RAB3GAP2: variants seen among roughly 807,000 people sequenced by gnomAD.
The protein encoded by RAB3GAP2 is rab3 GTPase-activating protein non-catalytic subunit.
Under a neutral mutation model 185.3 loss-of-function variants are expected in RAB3GAP2, and 87 were observed. The observed-to-expected ratio is 0.47, with a 90% CI of 0.39 to 0.56. The LOEUF is 0.56. Ranked by LOEUF, RAB3GAP2 falls within the 20% of genes least tolerant of loss-of-function variation. RAB3GAP2 has a pLI of 0.00. For missense variants in RAB3GAP2, 1,492 were observed against 1,638.2 expected (o/e 0.91, Z 1.54); for synonymous variants, 554 against 576.1 (o/e 0.96, Z 0.55).
In RAB3GAP2 at chr1:220,148,936, G is replaced by T. The variant is rs1657686371; in HGVS notation, c.*2315C>A. On this transcript the variant is annotated 3_prime_UTR_variant, in exon 35 of 35. Coordinates refer to ENST00000358951, the MANE Select transcript of RAB3GAP2 (RefSeq NM_012414.4). ...AATAAGATACAAATGCATATTTAATGTTTGTTAATGAAGAAAGTTGTGTGA... is the reference window on the plus strand; with the variant it reads ...AATAAGATACAAATGCATATTTAATTTTTGTTAATGAAGAAAGTTGTGTGA... 1 of 152,126 alleles carries T rather than the reference G, an allele frequency of 6.6e-6. No individual in the cohort carries two copies. Among genetic ancestry groups the T allele is most frequent in the African/African-American group, 2.4e-5 (1 of 41,428 alleles). The allele number at this position is 152,126 out of a possible 1,614,324, so 9.4% of individuals were successfully genotyped here. A position where few individuals can be genotyped will look rare whatever the true frequency, so the allele number is the denominator to read the frequency against.
intron 24 of RAB3GAP2, among the ~76,000 whole-genome samples, chr1:220,168,718 A>C (rs1164107720): frequency 6.6e-6 from 1 of 152,204 alleles, no homozygotes; most frequent in African/African-American, 2.4e-5. Context: ...AATAATCAAC[A>C]AATTTGCCTA....
At chr1:220,255,414 C>G (rs923908793) in intron 1 of RAB3GAP2, among the ~76,000 whole-genome samples, 2 of 152,146 alleles carry the variant, frequency 1.3e-5, no homozygotes, top group African/African-American at 2.4e-5. Flanking sequence ...GGGCACAGAA[C>G]CAGGCTGAGG....
At chr1:220,217,968 C>T (rs755272031) in intron 2 of RAB3GAP2, among the ~76,000 whole-genome samples, 7 of 152,132 alleles carry the variant, frequency 4.6e-5, no homozygotes, top group Admixed American at 3.9e-4. Flanking sequence ...CAGAAGCAAA[C>T]ATGAATTTTG....
chr1:220,214,118 C>T (rs1308326835), intron 2 of RAB3GAP2, 139 bp from the exon 3 acceptor site: 2 of 844,292 alleles, frequency 2.4e-6, no homozygotes, highest in Non-Finnish European at 3.7e-6. Flanking sequence ...CATAATATTC[C>T]TTATCAAAAC....
chr1:220,155,015 G>A (rs752112998), intron 31 of RAB3GAP2, among the ~76,000 whole-genome samples: 20 of 152,274 alleles, frequency 1.3e-4, no homozygotes, highest in African/African-American at 3.4e-4. Context: ...ATGAGCCACC[G>A]CGCCCAGCCT....
At chr1:220,202,857 C>T (rs772919711) in intron 8 of RAB3GAP2, among the ~76,000 whole-genome samples, 69 of 152,272 alleles carry the variant, frequency 4.5e-4, no homozygotes, top group East Asian at 1.5e-3. Flanking sequence ...GCAGGAAAAT[C>T]ACTTGAACCT....
chr1:220,198,652 T>C (rs1658775303), intron 9 of RAB3GAP2, among the ~76,000 whole-genome samples: 2 of 152,208 alleles, frequency 1.3e-5, no homozygotes, highest in Admixed American at 6.5e-5. Flanking sequence ...TTTTTATTAT[T>C]AGGAATGATA....
chr1:220,262,001 A>C (rs1205149446), intron 1 of RAB3GAP2, among the ~76,000 whole-genome samples: 1 of 152,002 alleles, frequency 6.6e-6, no homozygotes, highest in Non-Finnish European at 1.5e-5. Flanking sequence ...GTTAAAAAAA[A>C]CACACAGGCC....
chr1:220,182,424 C>A, intron 20 of RAB3GAP2, 70 bp from the exon 21 acceptor site: 1 of 1,595,812 alleles, frequency 6.3e-7, no homozygotes, highest in South Asian at 1.1e-5. Flanking sequence ...CTTATTGAAT[C>A]ACAATCTGGA....
Position 220,149,598 on chromosome 1 carries a change from A to G in RAB3GAP2, c.*1653T>C, listed in dbSNP as rs913787635. The G allele has an allele frequency of 3.9e-5, 6 of 152,206 alleles. No individual in the cohort carries two copies. The highest frequency in any genetic ancestry group is 1.4e-4 in the African/African-American group (6 of 41,436). 9.4% of individuals were successfully genotyped at this position (152,206 alleles called of 1,614,324 possible). Reference sequence around the variant, plus strand: ...TAACACAGAGCCAGATATGTTTACAAGAATTCTAGGATGTGTGTGGCTGGG... The same window carrying G: ...TAACACAGAGCCAGATATGTTTACAGGAATTCTAGGATGTGTGTGGCTGGG... On this transcript the variant is annotated 3_prime_UTR_variant, in exon 35 of 35. Transcript: ENST00000358951.
intron 8 of RAB3GAP2, among the ~76,000 whole-genome samples, chr1:220,205,339 C>T (rs963074062): frequency 3.9e-5 from 6 of 152,134 alleles, no homozygotes; most frequent in African/African-American, 1.4e-4. Context: ...TACCTTTTCT[C>T]CATTCTGAGT....
chr1:220,182,477 G>A, intron 20 of RAB3GAP2, 123 bp from the exon 21 acceptor site: 1 of 1,513,300 alleles, frequency 6.6e-7, no homozygotes, highest in South Asian at 1.3e-5. Context: ...GAAATTAATT[G>A]TTCAATTTGC....
chr1:220,268,705 C>T (rs1281178797), intron 1 of RAB3GAP2, among the ~76,000 whole-genome samples: 2 of 152,206 alleles, frequency 1.3e-5, no homozygotes, highest in Non-Finnish European at 2.9e-5. Flanking sequence ...TATCAACATA[C>T]ATAAACTCAA....
intron 1 of RAB3GAP2, among the ~76,000 whole-genome samples, chr1:220,262,226 G>A (rs371483251): frequency 4.6e-5 from 7 of 151,890 alleles, no homozygotes; most frequent in African/African-American, 7.3e-5. Context: ...GTGTGAACCC[G>A]GGAGGTGGAG....
At chr1:220,253,990 G>A in intron 1 of RAB3GAP2, 5 of 1,613,854 alleles carry the variant, frequency 3.1e-6, no homozygotes, top group Non-Finnish European at 3.4e-6. Flanking sequence ...GGCCCGGGTA[G>A]ATCCTACTGT....
In RAB3GAP2 at chr1:220,164,140, G is replaced by A. The variant is rs1029690709; in HGVS notation, c.3154+593C>T. Reference sequence around the variant, plus strand: ...AGAATATTCACATCCATTATAAGACGCACAAGATAGTTGCTACAGTCTAAT... The same window carrying A: ...AGAATATTCACATCCATTATAAGACACACAAGATAGTTGCTACAGTCTAAT... On this transcript the variant is annotated intron_variant, in intron 27 of 34. Coordinates refer to ENST00000358951, the MANE Select transcript of RAB3GAP2 (RefSeq NM_012414.4). Among the ~76,000 whole-genome samples the A allele has an allele frequency of 4.6e-5, 7 of 152,082 alleles. No homozygotes were observed. The South Asian group carries it at 1.2e-3, about 27-fold the overall frequency.
Position 220,190,135 on chromosome 1 carries a change from CTCT to C in RAB3GAP2, c.1640_1642del (p.Lys547del), listed in dbSNP as rs755604845. Reference sequence around the variant, plus strand: ...TAGGTGCATATCCTTGGCTCGTTCACTCTTCTTATCACTAAACCAATAAATATA... The same window carrying C: ...TAGGTGCATATCCTTGGCTCGTTCACTCTTATCACTAAACCAATAAATATA... On this transcript the variant is annotated inframe_deletion, in exon 16 of 35. Transcript: ENST00000358951. 4 of 1,612,278 alleles carry C rather than the reference CTCT, an allele frequency of 2.5e-6. No individual in the cohort carries two copies. Among genetic ancestry groups the C allele is most frequent in the African/African-American group, 2.7e-5 (2 of 74,876 alleles).
rs146621387 is a variant in RAB3GAP2 at position 220,204,663 on chromosome 1, C to T, written c.712+1244G>A. Among the ~76,000 whole-genome samples the T allele has an allele frequency of 1.5e-3, 224 of 151,936 alleles. 2 individuals are homozygous for T. The highest frequency in any genetic ancestry group is 5.3e-3 in the African/African-American group (220 of 41,414). On this transcript the variant is annotated intron_variant, in intron 8 of 34. Coordinates refer to ENST00000358951, the MANE Select transcript of RAB3GAP2 (RefSeq NM_012414.4). ...GGATTGTTACATATGTATACATGTGCCATATTGGTGCGCTGCACCCATTAA... is the reference window on the plus strand; with the variant it reads ...GGATTGTTACATATGTATACATGTGTCATATTGGTGCGCTGCACCCATTAA...
At position 220,195,070 on chromosome 1, in the gene RAB3GAP2, A is replaced by G. The variant is rs774045898; in HGVS notation, c.1130+8T>C. ...AGGACTAAAATTTGGGAAGCATGAC[A>G]GACTTGCCTTACAGCTAATGGGGTA... On this transcript the variant is annotated splice_region_variant and intron_variant, in intron 12 of 34. Coordinates refer to ENST00000358951, the MANE Select transcript of RAB3GAP2 (RefSeq NM_012414.4). 4 of 1,613,464 alleles carry G rather than the reference A, an allele frequency of 2.5e-6. No homozygotes were observed. The African/African-American group carries it at 5.3e-5, about 22-fold the overall frequency.
Sources: allele counts gnomAD v4.1 joint callset (sites outside exome capture counted in the v4.1 genomes callset), GRCh38; gene constraint gnomAD v4.1.1; transcripts MANE v1.5; gene names NCBI Gene and HGNC (gene_info 2026-07-23, HGNC 2026-07-21).